Variants in NOMO2 observed in about 807,000 individuals in gnomAD.
The protein encoded by NOMO2 is BOS complex subunit NOMO2.
Under a neutral mutation model 67.1 loss-of-function variants are expected in NOMO2, and 14 were observed. The ratio of observed to expected loss-of-function variants is 0.21; its 90% confidence interval spans 0.14 to 0.33. The LOEUF (loss-of-function observed/expected upper bound fraction) is 0.33, where lower values mean the gene tolerates loss of function less well. Ranked by LOEUF, NOMO2 falls within the 10% of genes least tolerant of loss-of-function variation. The pLI, the probability that NOMO2 is intolerant of heterozygous loss-of-function variation, is 1.00. For synonymous variants in NOMO2, 80 were observed against 305.9 expected (o/e 0.26, Z 7.71); for missense variants, 178 against 761.0 (o/e 0.23, Z 9.01).
chr16:18,534,086 T>C (rs905638916), intron 11 of NOMO2, among the ~76,000 whole-genome samples: 2 of 151,972 alleles, frequency 1.3e-5, no homozygotes, highest in Non-Finnish European at 2.9e-5. Context: ...AGGGGTACAT[T>C]AAATGTTGGA....
chr16:18,542,095 TAAAACA>T, intron 9 of NOMO2, 71 bp downstream of exon 9: 1 of 94,440 alleles, frequency 1.1e-5, no homozygotes, highest in Middle Eastern at 2.6e-3. Flanking sequence ...GATTTTTTTT[TAAAACA>T]TGTTTGCAAT....
rs1329725004 is a variant in NOMO2 at position 18,552,799 on chromosome 16, ATCAGCTCTATGGC to A, written c.302-1273_302-1261del. Among the ~76,000 whole-genome samples, 26 of 152,148 alleles carry A rather than the reference ATCAGCTCTATGGC, an allele frequency of 1.7e-4. 1 individual carries two copies. Among genetic ancestry groups the A allele is most frequent in the Non-Finnish European group, 3.2e-4 (22 of 68,012 alleles). On this transcript the variant is annotated intron_variant, in intron 3 of 30. Transcript: ENST00000622306. The stretch of plus-strand genomic sequence containing the variant: ...TGCAAACACCTAAAGCTGAGCATGT[ATCAGCTCTATGGC>A]TCAGCGACTTTACTCCTGTGATACA...
At chr16:18,551,210 T>C (rs1233783971) in intron 4 of NOMO2, among the ~76,000 whole-genome samples, 1 of 151,900 alleles carries the variant, frequency 6.6e-6, no homozygotes, top group Admixed American at 6.6e-5. Context: ...ACCAACAGCC[T>C]ATGCTCTGGG....
chr16:18,530,124 A>AG (rs1401207738), intron 14 of NOMO2, among the ~76,000 whole-genome samples: 1 of 102,832 alleles, frequency 9.7e-6, no homozygotes, highest in African/African-American at 3.4e-5. Flanking sequence ...TTTCAAAAAA[A>AG]AAGAAAGAAA....
intron 11 of NOMO2, among the ~76,000 whole-genome samples, chr16:18,534,303 C>T (rs1398287256): frequency 2.0e-5 from 3 of 149,898 alleles, no homozygotes; most frequent in Admixed American, 6.7e-5. Flanking sequence ...AACTGCAAGC[C>T]GAGAAAAAGA....
At position 18,533,198 on chromosome 16, in the gene NOMO2, T is replaced by G. The variant is rs1051628781; in HGVS notation, c.1221-19A>C. 1.2e-6 allele frequency: 2 copies of G among 1,610,624 alleles called. No individual in the cohort carries two copies. Among genetic ancestry groups the G allele is most frequent in the African/African-American group, 1.3e-5 (1 of 74,796 alleles). On this transcript the variant is annotated intron_variant, in intron 11 of 30. Coordinates refer to ENST00000622306, the MANE Select transcript of NOMO2 (RefSeq NM_173614.4). Reference sequence around the variant, plus strand: ...ACTGAACCTGCAAAGAGAAGACCATTCATTCCAGCACGAGGACTCAATTAT... The same window carrying G: ...ACTGAACCTGCAAAGAGAAGACCATGCATTCCAGCACGAGGACTCAATTAT...
At chr16:18,556,553 T>C (rs1184090936) in intron 2 of NOMO2, among the ~76,000 whole-genome samples, 1 of 150,514 alleles carries the variant, frequency 6.6e-6, no homozygotes, top group Non-Finnish European at 1.5e-5. Context: ...GGGGAAAAAA[T>C]GAAACTGCAG....
intron 9 of NOMO2, among the ~76,000 whole-genome samples, chr16:18,539,955 T>C (rs1332726484): frequency 2.6e-5 from 4 of 151,768 alleles, no homozygotes; most frequent in South Asian, 4.2e-4. Context: ...CATTTTAGTA[T>C]CTTCATCAAA....
chr16:18,538,256 G>T (rs1313436102), intron 11 of NOMO2, among the ~76,000 whole-genome samples: 1 of 150,954 alleles, frequency 6.6e-6, no homozygotes, highest in East Asian at 1.9e-4. Flanking sequence ...GGTGTGGTGG[G>T]GCACGCCTAT....
intron 11 of NOMO2, among the ~76,000 whole-genome samples, chr16:18,536,451 CTTG>C (rs373682351): frequency 0.03 from 4,579 of 151,992 alleles, 142 homozygotes; most frequent in Non-Finnish European, 0.043. Flanking sequence ...TTTTTAAAAT[CTTG>C]TTATTTTATT....
intron 15 of NOMO2, among the ~76,000 whole-genome samples, chr16:18,528,801 CAAAAAAAAAA>C (rs1318503732): frequency 8.0e-5 from 11 of 138,304 alleles, no homozygotes; most frequent in African/African-American, 2.4e-4. Context: ...AACAAAAATA[CAAAAAAAAAA>C]GAAAAAAAAA....
chr16:18,550,572 T>C (rs1455901337), intron 4 of NOMO2, among the ~76,000 whole-genome samples: 1 of 151,776 alleles, frequency 6.6e-6, no homozygotes, highest in Non-Finnish European at 1.5e-5. Flanking sequence ...AGGAAGCACA[T>C]CTCAACCTCA....
intron 6 of NOMO2, among the ~76,000 whole-genome samples, chr16:18,545,379 G>A (rs1901643770): frequency 6.6e-6 from 1 of 151,780 alleles, no homozygotes. Flanking sequence ...ATTACAGCAT[G>A]AGCAACTGCA....
At chr16:18,553,172 A>G (rs577597587) in intron 3 of NOMO2, among the ~76,000 whole-genome samples, 4,923 of 149,630 alleles carry the variant, frequency 0.033, 10 homozygotes, top group African/African-American at 0.036. Flanking sequence ...CTACTGAGGA[A>G]GCTGAGGCAC....
chr16:18,544,536 C>T (rs562969954), intron 6 of NOMO2, among the ~76,000 whole-genome samples: 2 of 152,174 alleles, frequency 1.3e-5, no homozygotes, highest in South Asian at 4.1e-4. Flanking sequence ...ACTGTTCAAA[C>T]CATGTGCAAA....
At chr16:18,561,195 A>AAAC (rs1555467963) in intron 1 of NOMO2, among the ~76,000 whole-genome samples, 17,546 of 100,176 alleles carry the variant, frequency 0.18, 2,002 homozygotes, top group East Asian at 0.33. Flanking sequence ...AAAAAAAAAA[A>AAAC]AAAAAAAAAA....
chr16:18,552,817 C>T (rs553963158), intron 3 of NOMO2, among the ~76,000 whole-genome samples: 30 of 152,074 alleles, frequency 2.0e-4, no homozygotes, highest in African/African-American at 7.0e-4. Context: ...TATGGCTCAG[C>T]GACTTTACTC....
chr16:18,559,115 A>G (rs997778276), intron 1 of NOMO2, among the ~76,000 whole-genome samples: 3 of 151,802 alleles, frequency 2.0e-5, no homozygotes, highest in Admixed American at 2.0e-4. Flanking sequence ...GTGAGCTATG[A>G]TGGTGCCACT....
chr16:18,544,839 G>C (rs551843727), intron 6 of NOMO2, among the ~76,000 whole-genome samples: 2,861 of 150,048 alleles, frequency 0.019, 1 homozygote, highest in African/African-American at 0.067. Flanking sequence ...TAAGCACGCA[G>C]CACAGGGCTT....
Sources: gnomAD v4.1 joint callset for allele counts (sites outside exome capture counted in the v4.1 genomes callset) on GRCh38, gnomAD v4.1.1 for gene constraint, MANE v1.5 for transcripts, NCBI Gene and HGNC (gene_info 2026-07-23, HGNC 2026-07-21) for gene names.